The following ZNF93 variants were observed in gnomAD, a reference collection of about 807,000 sequenced individuals.
ZNF93 encodes zinc finger protein 93.
In ZNF93, 29 loss-of-function variants were observed where a neutral mutation model predicts 45.0. That is an observed-to-expected ratio of 0.64 (90% CI 0.48 to 0.88). The LOEUF (loss-of-function observed/expected upper bound fraction) is 0.88. Among genes scored for constraint, ZNF93 ranks in the 40% least tolerant of loss-of-function variants. The pLI is 0.00. For synonymous variants in ZNF93, 223 were observed against 244.6 expected (o/e 0.91, Z 0.82); for missense variants, 578 against 724.0 (o/e 0.80, Z 2.31).
At chr19:19,925,078 G>A (rs1477506599) in intron 3 of ZNF93, among the ~76,000 whole-genome samples, 1 of 152,174 alleles carries the variant, frequency 6.6e-6, no homozygotes, top group African/African-American at 2.4e-5. Flanking sequence ...ACTGTGGCTG[G>A]GATGAGTTTG....
intron 3 of ZNF93, among the ~76,000 whole-genome samples, chr19:19,928,777 G>A (rs796759958): frequency 4.6e-5 from 7 of 152,276 alleles, no homozygotes; most frequent in African/African-American, 1.4e-4. Flanking sequence ...ATCTCCCAAA[G>A]TGTTAGGATT....
chr19:19,904,018 C>T (rs1023041961), intron 1 of ZNF93, among the ~76,000 whole-genome samples: 20 of 149,804 alleles, frequency 1.3e-4, no homozygotes, highest in Middle Eastern at 6.9e-3. Flanking sequence ...GAGATTGCGC[C>T]GCTGCACTCC....
At position 19,934,115 on chromosome 19, in the gene ZNF93, A is replaced by C. The variant is rs1267672330; in HGVS notation, c.1160A>C (p.His387Pro). Reference protein sequence around the residue: ...AFIWSSVLTRHKRVHTGEKPY... With the variant: ...AFIWSSVLTRPKRVHTGEKPY... ...ATTTGGTCCTCAGTCCTAACTAGAC[A>C]TAAGAGAGTTCATACTGGAGAGAAG... is the stretch of plus-strand genomic sequence containing the variant. The change falls in exon 4 of 4, where the codon CAT becomes CCT. Residue 387 changes from histidine (H) to proline (P), a missense_variant. His to Pro is a moderately conservative substitution (Grantham distance 77, BLOSUM62 -2). This residue lies in a region of ZNF93 where 446 missense variants were observed against 547.6 expected (regional missense o/e 0.81). Coordinates refer to ENST00000343769, the MANE Select transcript of ZNF93 (RefSeq NM_031218.4). 6.2e-7 allele frequency: 1 copy of C among 1,611,580 alleles called. No individual in the cohort carries two copies. The highest frequency in any genetic ancestry group is 8.5e-7 in the Non-Finnish European group (1 of 1,179,544).
At chr19:19,914,701 A>G (rs564603537) in intron 1 of ZNF93, 1 of 278,404 alleles carries the variant, frequency 3.6e-6, no homozygotes, top group East Asian at 1.4e-4. Context: ...ATAGTTTTCT[A>G]TGGAAGATGA....
At chr19:19,914,217 C>T (rs1033869446) in intron 1 of ZNF93, among the ~76,000 whole-genome samples, 4 of 151,978 alleles carry the variant, frequency 2.6e-5, no homozygotes, top group Non-Finnish European at 4.4e-5. Flanking sequence ...AGCCTCCACT[C>T]GTGTTCCATT....
At chr19:19,909,173 T>C (rs1016830131) in intron 1 of ZNF93, 3 of 152,284 alleles carry the variant, frequency 2.0e-5, no homozygotes, top group African/African-American at 7.2e-5. Context: ...ACTAGAGTGC[T>C]GCTGTGGCAA....
intron 3 of ZNF93, 120 bp downstream of exon 3, chr19:19,916,775 G>A: frequency 4.3e-6 from 3 of 692,054 alleles, no homozygotes; most frequent in Non-Finnish European, 7.0e-6. Context: ...TAGTTCCTGG[G>A]CAGCTGTTTT....
At position 19,935,438 on chromosome 19, in the gene ZNF93, A is replaced by G. The variant is rs552914218; in HGVS notation, c.*620A>G. The G allele has an allele frequency of 6.6e-6, 1 of 152,618 alleles. No homozygotes were observed. The highest frequency in any genetic ancestry group is 2.4e-5 in the African/African-American group (1 of 41,588). 9.5% of individuals were successfully genotyped at this position (152,618 alleles called of 1,614,324 possible). A position where few individuals can be genotyped will look rare whatever the true frequency, so the allele number is the denominator to read the frequency against. On this transcript the variant is annotated 3_prime_UTR_variant, in exon 4 of 4. Transcript: ENST00000343769. ...CTAACATCAGTTTATGAAAACTTGA[A>G]AAGGTGTTTGCTCCATCAAATTCAG...
chr19:19,912,836 C>T (rs1453713910), intron 1 of ZNF93, among the ~76,000 whole-genome samples: 2 of 152,174 alleles, frequency 1.3e-5, no homozygotes, highest in Non-Finnish European at 2.9e-5. Context: ...ATGTGTTATG[C>T]CCAGCACCGT....
At chr19:19,923,593 T>C (rs377356226) in intron 3 of ZNF93, among the ~76,000 whole-genome samples, 42 of 152,312 alleles carry the variant, frequency 2.8e-4, no homozygotes, top group East Asian at 1.4e-3. Flanking sequence ...ATGCTTTGTT[T>C]ACCTACTCAA....
At chr19:19,922,527 G>A (rs966281101) in intron 3 of ZNF93, among the ~76,000 whole-genome samples, 1 of 152,220 alleles carries the variant, frequency 6.6e-6, no homozygotes, top group Non-Finnish European at 1.5e-5. Context: ...ATATCCTGCA[G>A]AGTGTTTTCC....
intron 3 of ZNF93, among the ~76,000 whole-genome samples, chr19:19,921,364 A>G (rs1217656117): frequency 6.6e-6 from 1 of 152,140 alleles, no homozygotes; most frequent in Non-Finnish European, 1.5e-5. Context: ...ACTTCCAACT[A>G]TGTGGTCAAT....
chr19:19,911,243 TATC>T (rs1249950912), intron 1 of ZNF93, among the ~76,000 whole-genome samples: 2 of 152,214 alleles, frequency 1.3e-5, no homozygotes, highest in Non-Finnish European at 2.9e-5. Context: ...CAGCCTGGCT[TATC>T]ATTGGGCCAT....
At chr19:19,903,303 A>G (rs2063281761) in intron 1 of ZNF93, among the ~76,000 whole-genome samples, 1 of 152,188 alleles carries the variant, frequency 6.6e-6, no homozygotes, top group African/African-American at 2.4e-5. Context: ...ATTTTACATC[A>G]GAGAATGTCT....
intron 3 of ZNF93, among the ~76,000 whole-genome samples, chr19:19,924,749 C>G (rs1037367144): frequency 1.3e-5 from 2 of 152,030 alleles, no homozygotes; most frequent in African/African-American, 4.8e-5. Context: ...TGCCACCACA[C>G]CCGGGTGATT....
chr19:19,920,744 G>A (rs2063340649), intron 3 of ZNF93, among the ~76,000 whole-genome samples: 1 of 152,040 alleles, frequency 6.6e-6, no homozygotes, highest in African/African-American at 2.4e-5. Context: ...AGGTGTTTAT[G>A]GTATTCTCTG....
rs776070611 is a variant in ZNF93, at chr19:19,915,299, A to T, written c.23A>T (p.Asp8Val). MGPLQFR[D>V]VAIEFSLEEW... is the part of the protein sequence containing the mutation. ...TTTCAGGGACCATTGCAATTTAGAG[A>T]TGTGGCCATAGAATTCTCTCTGGAG... Residue 8 changes from aspartate (D) to valine (V), a missense_variant, in exon 2 of 4, where the codon GAT (aspartate) becomes GTT (valine). Transcript: ENST00000343769. 6.2e-7 allele frequency: 1 copy of T among 1,613,962 alleles called. No homozygotes were observed. Among genetic ancestry groups the T allele is most frequent in the Non-Finnish European group, 8.5e-7 (1 of 1,179,926 alleles).
intron 3 of ZNF93, among the ~76,000 whole-genome samples, chr19:19,919,844 T>C (rs935675348): frequency 6.6e-6 from 1 of 152,078 alleles, no homozygotes; most frequent in Non-Finnish European, 1.5e-5. Context: ...CAGCTTGAGA[T>C]TTTGGGCTGA....
chr19:19,922,457 T>A (rs2084829122), intron 3 of ZNF93, among the ~76,000 whole-genome samples: 1 of 152,206 alleles, frequency 6.6e-6, no homozygotes, highest in Non-Finnish European at 1.5e-5. Flanking sequence ...TGGCATTCTC[T>A]GTATTTCCTG....
Sources: gnomAD v4.1 joint callset for allele counts (sites outside exome capture counted in the v4.1 genomes callset) on GRCh38, gnomAD v4.1.1 for gene constraint, gnomAD v4.1.1 regional missense constraint, MANE v1.5 for transcripts, NCBI Gene and HGNC (gene_info 2026-07-23, HGNC 2026-07-21) for gene names.